RDH13: variants seen among roughly 807,000 people sequenced by gnomAD.
RDH13 encodes retinol dehydrogenase 13 (all-trans and 9-cis).
A neutral mutation model predicts 28.3 loss-of-function variants in RDH13; 35 were observed. That is an observed-to-expected ratio of 1.24 (90% CI 0.95 to 1.64). RDH13 has a LOEUF of 1.64. Ranked by LOEUF, RDH13 falls within the 40% of genes most tolerant of loss-of-function variation. The probability of loss-of-function intolerance (pLI) is 0.00; values close to 1 mark genes in which losing one functional copy is unlikely to be tolerated. For missense variants in RDH13, 514 were observed against 446.3 expected, an observed-to-expected ratio of 1.15 and a Z score of -1.37; for synonymous variants, 229 against 198.5, an observed-to-expected ratio of 1.15 and a Z score of -1.29.
At chr19:55,046,170 C>T (rs1031622861) in intron 6 of RDH13, among the ~76,000 whole-genome samples, 3 of 149,896 alleles carry the variant, frequency 2.0e-5, no homozygotes, top group Admixed American at 6.7e-5. Context: ...TCACTTGAAC[C>T]GAGGAGGCAG....
chr19:55,056,612 C>T (rs1227472572), intron 3 of RDH13, 41 bp downstream of exon 3: 5 of 1,605,812 alleles, frequency 3.1e-6, no homozygotes, highest in Non-Finnish European at 4.3e-6. Context: ...CTGGGAGCCG[C>T]CTATCCCAGT....
upstream of RDH13, chr19:55,063,390 G>A (rs1036195834): frequency 1.0e-5 from 3 of 286,982 alleles, no homozygotes; most frequent in South Asian, 1.6e-4. Context: ...AAATAGGTTC[G>A]AATCCCACCA....
chr19:55,068,147 GTC>G (rs1332071641), upstream of RDH13, among the ~76,000 whole-genome samples: 1 of 122,806 alleles, frequency 8.1e-6, no homozygotes, highest in African/African-American at 3.6e-5. Flanking sequence ...CTTTCTCCCT[GTC>G]TCTCTCTTCC....
At chr19:55,057,490 T>C (rs1330609159) in intron 2 of RDH13, among the ~76,000 whole-genome samples, 1 of 148,688 alleles carries the variant, frequency 6.7e-6, no homozygotes, top group Non-Finnish European at 1.5e-5. Flanking sequence ...TGGAGTGCGG[T>C]GGCGCAATCT....
At chr19:55,057,824 T>G (rs2075688543) in intron 2 of RDH13, among the ~76,000 whole-genome samples, 2 of 151,194 alleles carry the variant, frequency 1.3e-5, no homozygotes, top group South Asian at 4.2e-4. Flanking sequence ...TTTTTTTTTT[T>G]TTGAGTCAGT....
At chr19:55,063,201 C>A (rs986284455), upstream of RDH13, 11 of 489,276 alleles carry the variant, frequency 2.2e-5, no homozygotes, top group Admixed American at 8.9e-5. Flanking sequence ...GGGGCGCGGG[C>A]GGAGGGGGCG....
In RDH13 at chr19:55,056,851, T is replaced by G. The variant is rs371685141; in HGVS notation, c.185-43A>C. ...AAAAAGATTTAAATTAATAATCCAC[T>G]CCTGGGTACTGACCCCAGAGACATG... On this transcript the variant is annotated intron_variant, in intron 2 of 6. Transcript: ENST00000415061. 12 of 1,516,976 alleles carry G rather than the reference T, an allele frequency of 7.9e-6. No homozygotes were observed. The African/African-American group carries it at 1.6e-4, about 21-fold the overall frequency. The allele number at this position is 1,516,976 out of a possible 1,614,324, so 94.0% of individuals were successfully genotyped here.
chr19:55,047,979 A>C, intron 5 of RDH13: 1 of 1,188,110 alleles, frequency 8.4e-7, no homozygotes, highest in South Asian at 1.6e-5. Flanking sequence ...TCCCCAAGCC[A>C]GCTGTGATCA....
rs760923532 is a variant in RDH13 at position 55,059,114 on chromosome 19, TG to T, written c.184+42del. 2.2e-5 allele frequency: 28 copies of T among 1,265,424 alleles called. No homozygotes were observed. In the African/African-American group the frequency reaches 4.0e-4, roughly 18 times the overall value. 78.4% of individuals were successfully genotyped at this position (1,265,424 alleles called of 1,614,324 possible). A position where few individuals can be genotyped will look rare whatever the true frequency, so the allele number is the denominator to read the frequency against. ...TGAATAATGCTGCAGTGAGCATGGA[TG>T]TACAGATATCTCTCTGAGAGCCAAA... On this transcript the variant is annotated intron_variant, in intron 2 of 6. Coordinates refer to ENST00000415061, the MANE Select transcript of RDH13 (RefSeq NM_001145971.2).
intron 1 of RDH13, among the ~76,000 whole-genome samples, chr19:55,060,345 T>C (rs1323121958): frequency 6.6e-6 from 1 of 152,148 alleles, no homozygotes; most frequent in Admixed American, 6.6e-5. Flanking sequence ...GCTGAGATGT[T>C]TGGGTGGAGA....
At chr19:55,052,062 ACTTTTTTTTTTT>A (rs897799478) in intron 3 of RDH13, among the ~76,000 whole-genome samples, 15 of 62,970 alleles carry the variant, frequency 2.4e-4, no homozygotes, top group African/African-American at 1.1e-3. Context: ...AACTGCCTCA[ACTTTTTTTTTTT>A]TTTTTTTTTT....
chr19:55,050,505 C>T (rs1247056683), intron 3 of RDH13, among the ~76,000 whole-genome samples: 1 of 152,102 alleles, frequency 6.6e-6, no homozygotes, highest in African/African-American at 2.4e-5. Flanking sequence ...CTCACTGCAG[C>T]CTCAACCTCC....
At chr19:55,067,840 CTGAT>C (rs1233615720), upstream of RDH13, 1 of 151,922 alleles carries the variant, frequency 6.6e-6, no homozygotes. Context: ...ACTAAAGCCA[CTGAT>C]TGATTAGCTG....
intron 6 of RDH13, chr19:55,047,091 G>A (rs546247602): frequency 1.8e-5 from 24 of 1,302,314 alleles, no homozygotes; most frequent in East Asian, 9.0e-5. Context: ...GGTTTGGGGT[G>A]AAGCTGGAGT....
At chr19:55,064,719 T>C (rs1331917976), upstream of RDH13, among the ~76,000 whole-genome samples, 4 of 150,326 alleles carry the variant, frequency 2.7e-5, no homozygotes, top group Non-Finnish European at 5.9e-5. Flanking sequence ...TTCAAGCGAT[T>C]CTCCTGCCTC....
At chr19:55,039,975 G>T (rs543599606), downstream of RDH13, among the ~76,000 whole-genome samples, 9 of 152,176 alleles carry the variant, frequency 5.9e-5, no homozygotes, top group Non-Finnish European at 1.0e-4. Context: ...CTGAGGTATC[G>T]AGAGGAGTCA....
At chr19:55,049,798 A>AG (rs1243531990) in intron 3 of RDH13, among the ~76,000 whole-genome samples, 1 of 150,798 alleles carries the variant, frequency 6.6e-6, no homozygotes, top group Non-Finnish European at 1.5e-5. Context: ...TCAAAAAAAA[A>AG]AAAAAAAATC....
At chr19:55,040,586 A>C (rs755432881), downstream of RDH13, 3 of 152,248 alleles carry the variant, frequency 2.0e-5, no homozygotes, top group Non-Finnish European at 4.4e-5. Flanking sequence ...GCCACCTTTC[A>C]AATATTATGT....
downstream of RDH13, among the ~76,000 whole-genome samples, chr19:55,043,652 A>G (rs1048572691): frequency 6.6e-6 from 1 of 152,142 alleles, no homozygotes; most frequent in African/African-American, 2.4e-5. Context: ...TGGGCAACAG[A>G]GCGAGACTAG....
Sources: gnomAD v4.1 joint callset for allele counts (sites outside exome capture counted in the v4.1 genomes callset) on GRCh38, gnomAD v4.1.1 for gene constraint, MANE v1.5 for transcripts, NCBI Gene and HGNC (gene_info 2026-07-23, HGNC 2026-07-21) for gene names.